Variants in SHPRH observed in about 807,000 individuals in gnomAD.
The protein encoded by SHPRH is E3 ubiquitin-protein ligase SHPRH.
SHPRH carries 106 observed loss-of-function variants against 202.5 expected under a neutral mutation model. The ratio of observed to expected loss-of-function variants is 0.52; its 90% CI spans 0.45 to 0.62. The LOEUF (loss-of-function observed/expected upper bound fraction) is 0.62. Ranked by LOEUF, SHPRH falls within the 20% of genes least tolerant of loss-of-function variation. The pLI, the probability that SHPRH is intolerant of heterozygous loss-of-function variation, is 0.00. For synonymous variants in SHPRH, 729 were observed against 686.0 expected (o/e 1.06, Z -0.98); for missense variants, 1,710 against 2,020.0 (o/e 0.85, Z 2.94).
At chr6:145,959,055 T>C (rs566443737) in intron 1 of SHPRH, among the ~76,000 whole-genome samples, 3 of 152,190 alleles carry the variant, frequency 2.0e-5, no homozygotes, top group East Asian at 1.9e-4. Context: ...CAGGATGGTT[T>C]TGAACTCCTG....
At chr6:145,894,391 T>C (rs1254460250) in intron 26 of SHPRH, among the ~76,000 whole-genome samples, 155 bp from the exon 27 acceptor site, 1 of 150,094 alleles carries the variant, frequency 6.7e-6, no homozygotes, top group African/African-American at 2.4e-5. Context: ...CCATATTATT[T>C]AGCTCTATCT....
chr6:145,959,065 G>C (rs982111052), intron 1 of SHPRH, among the ~76,000 whole-genome samples: 3 of 152,058 alleles, frequency 2.0e-5, no homozygotes, highest in South Asian at 2.1e-4. Context: ...TTGAACTCCT[G>C]AACTCAAGAT....
chr6:145,876,996 A>C (rs539347179), intron 2 of SHPRH: 98 of 152,258 alleles, frequency 6.4e-4, no homozygotes, highest in African/African-American at 2.2e-3. Context: ...TGTAATAAAT[A>C]AATTTCTGTT....
chr6:145,952,057 G>A (rs940654789), intron 3 of SHPRH: 20 of 384,380 alleles, frequency 5.2e-5, no homozygotes, highest in Admixed American at 3.5e-4. Context: ...TAAAAGCACA[G>A]GAATAATGCA....
At chr6:145,869,550 C>T (rs1779959178) in intron 2 of SHPRH, among the ~76,000 whole-genome samples, 1 of 152,106 alleles carries the variant, frequency 6.6e-6, no homozygotes, top group Admixed American at 6.6e-5. Flanking sequence ...GTGTGGATGT[C>T]CATTTGTTCC....
intron 21 of SHPRH, 51 bp downstream of exon 21, chr6:145,921,116 T>G: frequency 6.7e-7 from 1 of 1,482,174 alleles, no homozygotes. Flanking sequence ...TTAAAATTGA[T>G]GTAAAAAAGA....
At chr6:145,860,404 T>A (rs1412091968), downstream of SHPRH, among the ~76,000 whole-genome samples, 1 of 151,914 alleles carries the variant, frequency 6.6e-6, no homozygotes. Context: ...TATAATAGCA[T>A]CTAAAAGAAT....
In SHPRH at chr6:145,910,575, T is replaced by C. The variant is rs1035522661; in HGVS notation, c.4388A>G (p.Gln1463Arg). The C allele has an allele frequency of 6.2e-7, 1 of 1,612,782 alleles. No homozygotes were observed. Among genetic ancestry groups the C allele is most frequent in the Non-Finnish European group, 8.5e-7 (1 of 1,179,540 alleles). Residue 1463 changes from glutamine to arginine, a missense_variant, in exon 25 of 30, where the codon CAA (glutamine) becomes CGA (arginine). This residue lies in a region of SHPRH where 306 missense variants were observed against 479.5 expected (regional missense o/e 0.64). Transcript: ENST00000275233. ...GCTTCTGTGAGATCCCACGCTGTAT[T>C]GTTCAATAATTATAGAAATGCATTC... ...CNECISIIIE[Q>R]YSVGSHRSSI...
chr6:145,928,817 G>T (rs1488912093), intron 14 of SHPRH, among the ~76,000 whole-genome samples: 1 of 151,880 alleles, frequency 6.6e-6, no homozygotes, highest in East Asian at 1.9e-4. Flanking sequence ...TCAAAGAACT[G>T]TAGTCAGCCA....
chr6:145,864,342 A>G (rs765491789), exon 3 of SHPRH: 9 of 415,392 alleles, frequency 2.2e-5, no homozygotes, highest in Non-Finnish European at 4.0e-5. Flanking sequence ...AAAAGATGAT[A>G]AAAAACAAAT....
intron 25 of SHPRH, chr6:145,904,612 A>T (rs2128727973): frequency 6.6e-6 from 1 of 152,498 alleles, no homozygotes; most frequent in Admixed American, 6.5e-5. Context: ...AGGAAGCACA[A>T]GGCAAATGTG....
chr6:145,867,174 C>T (rs1343772804), intron 2 of SHPRH, among the ~76,000 whole-genome samples: 2 of 152,160 alleles, frequency 1.3e-5, no homozygotes, highest in South Asian at 2.1e-4. Context: ...TTCTACTCTT[C>T]GTCACTCTCT....
rs377137028 is a variant in SHPRH, at chr6:145,921,265, T to G, written c.3910A>C (p.Ile1304Leu). 1 of 1,612,856 alleles carries G rather than the reference T, an allele frequency of 6.2e-7. No individual in the cohort carries two copies. The highest frequency in any genetic ancestry group is 1.3e-5 in the African/African-American group (1 of 74,872). The change falls in exon 21 of 30, where the codon ATA becomes CTA. Residue 1304 changes from isoleucine to leucine, a missense_variant. Physicochemically the swap from Ile to Leu is conservative, Grantham distance 5 (BLOSUM62 2). Transcript: ENST00000275233. ...CTATGTGATTTTGCAAATGATAGTA[T>G]TGCTTTCATAGATCGCTCTGTCTCA... ...ISETERSMKAILSFAKSHRFD... is the reference protein window; with the variant it reads ...ISETERSMKALLSFAKSHRFD...
At chr6:145,932,161 T>C (rs1258852863) in intron 14 of SHPRH, among the ~76,000 whole-genome samples, 3 of 152,164 alleles carry the variant, frequency 2.0e-5, no homozygotes, top group Non-Finnish European at 4.4e-5. Flanking sequence ...CTACTTAACA[T>C]GTTTCATCTT....
chr6:145,863,871 G>A (rs911879260), downstream of SHPRH, among the ~76,000 whole-genome samples: 20 of 152,120 alleles, frequency 1.3e-4, no homozygotes, highest in African/African-American at 4.3e-4. Context: ...ACTGAGACTC[G>A]GTAGGATATA....
intron 1 of SHPRH, among the ~76,000 whole-genome samples, chr6:145,961,273 G>C (rs746207222): frequency 7.9e-5 from 12 of 152,074 alleles, no homozygotes; most frequent in Non-Finnish European, 1.5e-4. Context: ...TCCTGATGTC[G>C]AGCCAACTAA....
intron 2 of SHPRH, among the ~76,000 whole-genome samples, chr6:145,877,455 A>T (rs754656933): frequency 1.7e-4 from 26 of 152,158 alleles, no homozygotes; most frequent in Non-Finnish European, 4.4e-5. Context: ...TTATTTGACC[A>T]TGTATATTGT....
chr6:145,900,900 G>A (rs1051556110), intron 25 of SHPRH, among the ~76,000 whole-genome samples: 1 of 152,016 alleles, frequency 6.6e-6, no homozygotes, highest in East Asian at 1.9e-4. Context: ...GTGGTTAACT[G>A]AATCTGCTGA....
At chr6:145,882,006 A>C (rs1439853777), downstream of SHPRH, among the ~76,000 whole-genome samples, 1 of 151,642 alleles carries the variant, frequency 6.6e-6, no homozygotes, top group Non-Finnish European at 1.5e-5. Context: ...TGAGGTGAGG[A>C]GATCACCTCA....
Sources: allele counts gnomAD v4.1 joint callset (sites outside exome capture counted in the v4.1 genomes callset), GRCh38; gene constraint gnomAD v4.1.1; regional missense constraint gnomAD v4.1.1; transcripts MANE v1.5; gene names NCBI Gene and HGNC (gene_info 2026-07-23, HGNC 2026-07-21).